TRAF2: variants seen among roughly 807,000 people sequenced by gnomAD.
TRAF2 encodes TNF receptor associated factor 2.
Under a neutral mutation model 55.6 loss-of-function variants are expected in TRAF2, and 6 were observed. That is an observed-to-expected ratio of 0.11 (90% CI 0.06 to 0.21). The LOEUF is 0.21. TRAF2 is among the 10% of genes least tolerant of loss of function. The probability of loss-of-function intolerance (pLI) is 1.00; values close to 1 mark genes in which losing one functional copy is unlikely to be tolerated. For synonymous variants in TRAF2, 329 were observed against 276.3 expected (o/e 1.19, Z -1.89); for missense variants, 561 against 684.5 (o/e 0.82, Z 2.01).
chr9:136,923,802 C>T (rs1240825876), intron 9 of TRAF2, 50 bp from the exon 10 acceptor site: 1 of 1,596,080 alleles, frequency 6.3e-7, no homozygotes, highest in Admixed American at 1.7e-5. Flanking sequence ...AGAGCCCTGC[C>T]CCGCCCTTGC....
intron 1 of TRAF2, among the ~76,000 whole-genome samples, chr9:136,892,340 T>C (rs1275781553): frequency 6.6e-6 from 1 of 152,122 alleles, no homozygotes; most frequent in Non-Finnish European, 1.5e-5. Context: ...GACTGGTGCC[T>C]GTAGTCCCAG....
chr9:136,898,652 T>C (rs1849742404), intron 1 of TRAF2, 61 bp from the exon 2 acceptor site: 1 of 1,588,742 alleles, frequency 6.3e-7, no homozygotes, highest in Non-Finnish European at 8.6e-7. Flanking sequence ...ACCATTGGTT[T>C]GGTTTTGTCT....
chr9:136,910,345 G>C (rs1191293340), intron 6 of TRAF2, among the ~76,000 whole-genome samples: 1 of 152,200 alleles, frequency 6.6e-6, no homozygotes, highest in Non-Finnish European at 1.5e-5. Flanking sequence ...GAAGCTGAAT[G>C]TTTGCAGCAA....
At chr9:136,902,772 G>A (rs1185776350) in intron 4 of TRAF2, among the ~76,000 whole-genome samples, 5 of 152,146 alleles carry the variant, frequency 3.3e-5, no homozygotes, top group Non-Finnish European at 7.4e-5. Flanking sequence ...TCTGCCCCTC[G>A]GAGCCGCCTC....
chr9:136,901,483 G>A lies in TRAF2; in HGVS notation c.366+963G>A, dbSNP rs968615829. ...ACCCCAGGGATGAACTCTGAGGACA[G>A]TGTGCTGAGTGACATGAGCCAGTTA... is the stretch of plus-strand genomic sequence containing the variant. On this transcript the variant is annotated intron_variant, in intron 4 of 10. Transcript: ENST00000247668. Among the ~76,000 whole-genome samples the A allele has an allele frequency of 2.6e-5, 4 of 152,362 alleles. 1 individual carries two copies. The East Asian group carries it at 5.8e-4, about 22-fold the overall frequency.
chr9:136,886,418 A>T, upstream of TRAF2: 5 of 993,302 alleles, frequency 5.0e-6, no homozygotes, highest in Non-Finnish European at 6.0e-6. Context: ...CAGCTTCCTG[A>T]GGGCTGGCTG....
chr9:136,893,510 G>A (rs1421553915), intron 1 of TRAF2, among the ~76,000 whole-genome samples: 5 of 152,192 alleles, frequency 3.3e-5, no homozygotes, highest in Admixed American at 6.5e-5. Context: ...TGTATGCGGC[G>A]TCAGTTTTGG....
chr9:136,918,227 T>TTATATATATATATATA (rs764701854), intron 7 of TRAF2, among the ~76,000 whole-genome samples: 21 of 68,064 alleles, frequency 3.1e-4, no homozygotes, highest in African/African-American at 1.4e-3. Flanking sequence ...AGTGTTTTGT[T>TTATATATATATATATA]TATATATATA....
At position 136,926,303 on chromosome 9, in the gene TRAF2, A is replaced by G. The variant is rs1850531408; in HGVS notation, c.*402A>G. ...GATGGCCTTGTGTCCCTCGGGCATG[A>G]CAGGCAGAAACGAGGGCTGCTCCAG... On this transcript the variant is annotated 3_prime_UTR_variant, in exon 11 of 11. Coordinates refer to ENST00000247668, the MANE Select transcript of TRAF2 (RefSeq NM_021138.4). 2 of 353,190 alleles carry G rather than the reference A, an allele frequency of 5.7e-6. No homozygotes were observed. Among genetic ancestry groups the G allele is most frequent in the Non-Finnish European group, 1.1e-5 (2 of 179,060 alleles). 21.9% of individuals were successfully genotyped at this position (353,190 alleles called of 1,614,324 possible). A position where few individuals can be genotyped will look rare whatever the true frequency, so the allele number is the denominator to read the frequency against.
chr9:136,896,924 C>T (rs1306831814), intron 1 of TRAF2, among the ~76,000 whole-genome samples: 3 of 152,110 alleles, frequency 2.0e-5, no homozygotes, highest in Non-Finnish European at 2.9e-5. Flanking sequence ...AGACAGACCT[C>T]GAGGAAATGC....
chr9:136,894,593 T>G (rs1477020570), intron 1 of TRAF2, among the ~76,000 whole-genome samples: 1 of 151,652 alleles, frequency 6.6e-6, no homozygotes, highest in African/African-American at 2.4e-5. Context: ...ATTGGGGGCA[T>G]CATGAGGATG....
At chr9:136,918,555 G>C (rs1850301869) in intron 7 of TRAF2, among the ~76,000 whole-genome samples, 1 of 151,924 alleles carries the variant, frequency 6.6e-6, no homozygotes, top group Non-Finnish European at 1.5e-5. Context: ...CTCCTAAAGT[G>C]CTGGGATTAC....
At chr9:136,903,621 C>T (rs1193970681) in intron 4 of TRAF2, among the ~76,000 whole-genome samples, 1 of 151,362 alleles carries the variant, frequency 6.6e-6, no homozygotes, top group Non-Finnish European at 1.5e-5. Context: ...TGCTGCAGGA[C>T]AACCCTGGTC....
chr9:136,915,330 A>T (rs903069026), intron 6 of TRAF2, among the ~76,000 whole-genome samples: 2 of 152,032 alleles, frequency 1.3e-5, no homozygotes, highest in African/African-American at 4.8e-5. Context: ...TCCCATAAGC[A>T]TTGTGGGAGC....
chr9:136,906,641 TCAAAAAA>T (rs1316551038), intron 4 of TRAF2, among the ~76,000 whole-genome samples: 4 of 152,098 alleles, frequency 2.6e-5, no homozygotes, highest in Admixed American at 6.5e-5. Context: ...AGACCCTGTC[TCAAAAAA>T]CAAAACAAAA....
intron 7 of TRAF2, 187 bp downstream of exon 7, chr9:136,916,802 C>T (rs912087123): frequency 1.6e-6 from 1 of 607,220 alleles, no homozygotes; most frequent in Non-Finnish European, 3.0e-6. Context: ...TGTCCACTCC[C>T]TCCTGGTGGC....
At chr9:136,887,942 T>G (rs1448714884) in intron 1 of TRAF2, among the ~76,000 whole-genome samples, 1 of 152,060 alleles carries the variant, frequency 6.6e-6, no homozygotes, top group Admixed American at 6.6e-5. Context: ...CGATCTCGGC[T>G]CACTGCAGCC....
At chr9:136,883,185 T>A (rs1308655461), upstream of TRAF2, among the ~76,000 whole-genome samples, 2 of 151,862 alleles carry the variant, frequency 1.3e-5, no homozygotes, top group African/African-American at 4.8e-5. Context: ...TTTTTTTACG[T>A]GTCTGTGCCA....
At chr9:136,900,010 AC>A (rs1369046781) in intron 3 of TRAF2, among the ~76,000 whole-genome samples, 3 of 152,130 alleles carry the variant, frequency 2.0e-5, no homozygotes, top group African/African-American at 7.2e-5. Context: ...TACCAGAAAT[AC>A]AAAAAATTAG....
Sources: allele counts gnomAD v4.1 joint callset (sites outside exome capture counted in the v4.1 genomes callset), GRCh38; gene constraint gnomAD v4.1.1; transcripts MANE v1.5; gene names NCBI Gene and HGNC (gene_info 2026-07-23, HGNC 2026-07-21).